The following HAO1 variants were observed in gnomAD, a reference collection of about 807,000 sequenced individuals.
HAO1 encodes 2-Hydroxyacid oxidase 1.
A neutral mutation model predicts 39.7 loss-of-function variants in HAO1; 34 were observed. The observed-to-expected ratio is 0.86, with a 90% confidence interval of 0.65 to 1.14. HAO1 has a LOEUF of 1.14. Among genes scored for constraint, HAO1 ranks in the 50% most tolerant of loss-of-function variants. HAO1 has a pLI of 0.00. For missense variants in HAO1, 479 were observed against 464.5 expected, an observed-to-expected ratio of 1.03 and a Z score of -0.29; for synonymous variants, 172 against 173.2, an observed-to-expected ratio of 0.99 and a Z score of 0.05.
Position 7,905,449 on chromosome 20 carries a change from TA to T in HAO1, c.721+704del, listed in dbSNP as rs200454517. Among the ~76,000 whole-genome samples, 651 of 152,180 alleles carry T rather than the reference TA, an allele frequency of 4.3e-3. 5 individuals are homozygous for T. Among genetic ancestry groups the T allele is most frequent in the African/African-American group, 0.015 (605 of 41,524 alleles). On this transcript the variant is annotated intron_variant, in intron 4 of 7. Transcript: ENST00000378789. ...AAGTCACTTACTCAAACATTTCAGT[TA>T]AAAAAAAGTTTTTGGCAGTTATCTA...
At chr20:7,914,125 C>T in intron 3 of HAO1, 39 bp downstream of exon 3, 1 of 1,608,852 alleles carries the variant, frequency 6.2e-7, no homozygotes, top group Non-Finnish European at 8.5e-7. Flanking sequence ...AGTCAAGATC[C>T]CTTTCGCCTC....
chr20:7,936,503 C>CGTGTGTGTGTGTGTGTGT (rs71183082), intron 1 of HAO1, among the ~76,000 whole-genome samples: 3,098 of 109,008 alleles, frequency 0.028, 128 homozygotes, highest in East Asian at 0.056. Flanking sequence ...GGGCAGCAGC[C>CGTGTGTGTGTGTGTGTGT]GTGTGTGTGT....
intron 2 of HAO1, among the ~76,000 whole-genome samples, chr20:7,917,423 A>G (rs2050312023): frequency 6.6e-6 from 1 of 151,852 alleles, no homozygotes; most frequent in Admixed American, 6.6e-5. Flanking sequence ...AGAACTCAGC[A>G]TGGCTGAGCA....
At chr20:7,890,942 A>T (rs908520729) in intron 5 of HAO1, among the ~76,000 whole-genome samples, 1 of 152,104 alleles carries the variant, frequency 6.6e-6, no homozygotes, top group African/African-American at 2.4e-5. Flanking sequence ...TTGTCCACTC[A>T]TTGATTGATG....
intron 5 of HAO1, among the ~76,000 whole-genome samples, chr20:7,893,038 C>CT (rs1443891397): frequency 6.6e-6 from 1 of 152,090 alleles, no homozygotes; most frequent in Non-Finnish European, 1.5e-5. Flanking sequence ...CTTTCTGCCT[C>CT]TTGTCATGAC....
At chr20:7,923,877 C>A (rs1042748804) in intron 2 of HAO1, among the ~76,000 whole-genome samples, 3 of 152,078 alleles carry the variant, frequency 2.0e-5, no homozygotes, top group African/African-American at 7.2e-5. Context: ...AAGGACTCAT[C>A]CAAATTAGTA....
Position 7,885,751 on chromosome 20 carries a change from C to T in HAO1, c.927G>A (p.Lys309=). Residue 309 remains lysine (K), a synonymous_variant, in exon 6 of 8, where the codon AAG becomes AAA. Transcript: ENST00000378789. The part of the protein sequence containing the change: ...DVLKALALGA[K]AVFVGRPIVW... ...CGATTGGTCTCCCCACAAACACAGC[C>T]TTGGCGCCAAGAGCCAGAGCTTTCA... The T allele has an allele frequency of 6.2e-7, 1 of 1,613,850 alleles. No homozygotes were observed.
intron 2 of HAO1, among the ~76,000 whole-genome samples, chr20:7,915,411 A>G (rs1013623880): frequency 1.3e-5 from 2 of 152,126 alleles, no homozygotes; most frequent in African/African-American, 4.8e-5. Context: ...AAGGGGAAGT[A>G]AGACTGCTAA....
At chr20:7,907,211 T>C (rs1332798579) in intron 3 of HAO1, among the ~76,000 whole-genome samples, 1 of 152,182 alleles carries the variant, frequency 6.6e-6, no homozygotes, top group Non-Finnish European at 1.5e-5. Context: ...ACTTCTCTAA[T>C]CTTCCAGACA....
intron 4 of HAO1, among the ~76,000 whole-genome samples, chr20:7,897,749 CT>C (rs1335373123): frequency 6.6e-6 from 1 of 151,876 alleles, no homozygotes; most frequent in African/African-American, 2.4e-5. Flanking sequence ...TGTTTTATCT[CT>C]TTTTCCTGGG....
chr20:7,913,447 T>C (rs1467988805), intron 3 of HAO1, among the ~76,000 whole-genome samples: 1 of 152,140 alleles, frequency 6.6e-6, no homozygotes, highest in East Asian at 1.9e-4. Context: ...AAAAGAGGTG[T>C]ATAGCTTAAG....
intron 4 of HAO1, among the ~76,000 whole-genome samples, chr20:7,896,970 G>C (rs2050200677): frequency 6.6e-6 from 1 of 152,012 alleles, no homozygotes; most frequent in African/African-American, 2.4e-5. Context: ...CCCTCATTTG[G>C]TTTATATTCT....
intron 4 of HAO1, among the ~76,000 whole-genome samples, chr20:7,896,389 T>C (rs934102157): frequency 5.3e-5 from 8 of 152,162 alleles, no homozygotes; most frequent in African/African-American, 1.9e-4. Flanking sequence ...ATTGGTAATC[T>C]GTAAAATTAA....
intron 4 of HAO1, among the ~76,000 whole-genome samples, chr20:7,903,752 T>A (rs1165831802): frequency 6.6e-6 from 1 of 150,736 alleles, no homozygotes; most frequent in Non-Finnish European, 1.5e-5. Flanking sequence ...GTGGTCATGG[T>A]GGTAATGGGA....
intron 5 of HAO1, among the ~76,000 whole-genome samples, chr20:7,886,173 A>T (rs1047478682): frequency 2.0e-5 from 3 of 149,932 alleles, no homozygotes; most frequent in African/African-American, 7.4e-5. Flanking sequence ...GATCTTTCAT[A>T]ACTTTTTTGT....
chr20:7,901,772 A>G (rs2050222377), intron 4 of HAO1, among the ~76,000 whole-genome samples: 1 of 152,200 alleles, frequency 6.6e-6, no homozygotes, highest in Non-Finnish European at 1.5e-5. Flanking sequence ...AGCAAAATAA[A>G]TTGAAAACTT....
intron 2 of HAO1, among the ~76,000 whole-genome samples, chr20:7,919,001 G>T (rs80125028): frequency 0.011 from 1,720 of 152,288 alleles, 33 homozygotes; most frequent in African/African-American, 0.04. Flanking sequence ...CCAATGTGTG[G>T]CTATGTATTA....
At position 7,933,372 on chromosome 20, in the gene HAO1, A is replaced by G. The variant is rs114471827; in HGVS notation, c.289+1112T>C. 1.2e-3 allele frequency among the ~76,000 whole-genome samples: 189 copies of G among 152,244 alleles called. 1 individual carries two copies. Among genetic ancestry groups the G allele is most frequent in the African/African-American group, 4.5e-3 (185 of 41,548 alleles). On this transcript the variant is annotated intron_variant, in intron 2 of 7. Coordinates refer to ENST00000378789, the MANE Select transcript of HAO1 (RefSeq NM_017545.3). ...TTCTTTTGTTCTAAGGTTGTTGCCT[A>G]TAGTTTCAAGCCTGAAAGGGCCTTT...
rs751822933 is a variant in HAO1, at chr20:7,936,547, T to TGTGTGTGTGTGTGTGTGTG, written c.138-1913_138-1912insCACACACACACACACACAC. Among the ~76,000 whole-genome samples the TGTGTGTGTGTGTGTGTGTG allele has an allele frequency of 1.5e-3, 204 of 136,548 alleles. 1 individual carries two copies. The highest frequency in any genetic ancestry group is 2.5e-3 in the Admixed American group (35 of 14,080). The allele number at this position is 136,548 out of a possible 152,430, so 89.6% of individuals were successfully genotyped here. ...GTGTGTGTGTGTGTGTGTGTGTGTG[T>TGTGTGTGTGTGTGTGTGTG]TCGCGCGCGCGCGCGCGCGTGCGTG... On this transcript the variant is annotated intron_variant, in intron 1 of 7. Coordinates refer to ENST00000378789, the MANE Select transcript of HAO1 (RefSeq NM_017545.3).
Sources: allele counts gnomAD v4.1 joint callset (sites outside exome capture counted in the v4.1 genomes callset), GRCh38; gene constraint gnomAD v4.1.1; transcripts MANE v1.5; gene names NCBI Gene and HGNC (gene_info 2026-07-23, HGNC 2026-07-21).